Variants in CAMKK2 observed in about 807,000 individuals in gnomAD.
CAMKK2 encodes the protein calcium/calmodulin dependent protein kinase kinase 2, also known as calcium/calmodulin-dependent protein kinase kinase 2.
In CAMKK2, 30 loss-of-function variants were observed where a neutral mutation model predicts 67.2. The ratio of observed to expected loss-of-function variants is 0.45; its 90% CI spans 0.33 to 0.61. CAMKK2 has a LOEUF of 0.61. CAMKK2 is among the 20% of genes least tolerant of loss of function. The probability of loss-of-function intolerance (pLI) is 0.02; values close to 1 mark genes in which losing one functional copy is unlikely to be tolerated. For missense variants in CAMKK2, 643 were observed against 802.0 expected (o/e 0.80, Z 2.39); for synonymous variants, 322 against 326.2 (o/e 0.99, Z 0.14).
Position 121,253,348 on chromosome 12 carries a change from G to A in CAMKK2, c.1032C>T (p.Leu344=), listed in dbSNP as rs187145276. ...SNEFKGSDAL[L]SNTVGTPAFM... ...AGGCGGGCGTGCCCACGGTGTTGGA[G>A]AGGAGCGCGTCACTGCCCTTGAATT... Residue 344 remains leucine (L), a synonymous_variant, in exon 10 of 17, where the codon CTC becomes CTT. Transcript: ENST00000404169. The surrounding 1 kb of genome is among the most constrained non-coding windows in gnomAD (Gnocchi z 5.0). The A allele has an allele frequency of 1.2e-6, 2 of 1,614,232 alleles. No homozygotes were observed. Among genetic ancestry groups the A allele is most frequent in the Admixed American group, 1.7e-5 (1 of 60,024 alleles).
rs763899089 is a variant in CAMKK2 at position 121,245,212 on chromosome 12, C to T, written c.1481G>A (p.Arg494His). Residue 494 changes from arginine (R) to histidine (H), a missense_variant, in exon 15 of 17, where the codon CGC becomes CAC. Arg to His is a conservative substitution (Grantham distance 29). Around this residue, in one of 3 missense-constraint regions of CAMKK2, gnomAD observed 20 missense variants for 52.0 expected, o/e 0.38. Transcript: ENST00000404169. The surrounding 1 kb of genome is among the most constrained non-coding windows in gnomAD (Gnocchi z 5.8). ...VILVKTMIRK[R>H]SFGNPFEGSR... ...GCCCTCGAATGGGTTCCCAAAGGAG[C>T]GTTTACGTATCATGGTCTTCACCAG... The T allele has an allele frequency of 2.5e-6, 4 of 1,607,608 alleles. No homozygotes were observed. The highest frequency in any genetic ancestry group is 2.2e-5 in the East Asian group (1 of 44,724).
At position 121,282,749 on chromosome 12, in the gene CAMKK2, T is replaced by TTTTTC. The variant is rs142853866; in HGVS notation, c.-59-8169_-59-8165dup. ...ATGACAGAATATATCTCTGTTCTTT[T>TTTTTC]TTTTCTTTTCTTTTCTTTTCTTTTT... is the stretch of plus-strand genomic sequence containing the variant. On this transcript the variant is annotated intron_variant, in intron 1 of 16. Coordinates refer to ENST00000404169, the MANE Select transcript of CAMKK2 (RefSeq NM_001270485.2). 1.8e-4 allele frequency among the ~76,000 whole-genome samples: 27 copies of TTTTTC among 150,660 alleles called. 1 individual carries two copies. In the South Asian group the frequency reaches 3.1e-3, roughly 17 times the overall value.
chr12:121,245,288 G>A lies in CAMKK2; in HGVS notation c.1453-48C>T, dbSNP rs1271159808. On this transcript the variant is annotated intron_variant, in intron 14 of 16. Coordinates refer to ENST00000404169, the MANE Select transcript of CAMKK2 (RefSeq NM_001270485.2). The surrounding 1 kb of genome is among the most constrained non-coding windows in gnomAD (Gnocchi z 5.8). ...GTGGCAGGCAACTGCTTGGCCATGT[G>A]GGGGCGATTCTGGGCAACATCCTCC... The A allele has an allele frequency of 1.6e-6, 2 of 1,231,150 alleles. No homozygotes were observed. The highest frequency in any genetic ancestry group is 3.0e-5 in the African/African-American group (2 of 66,950). 76.3% of individuals were successfully genotyped at this position (1,231,150 alleles called of 1,614,324 possible).
At position 121,292,672 on chromosome 12, in the gene CAMKK2, A is replaced by G. The variant is rs1900294583; in HGVS notation, c.-60+3966T>C. The stretch of plus-strand genomic sequence containing the variant: ...AAGTGAGTGGGAAAGCAAAACATGG[A>G]AGAAAAATAGCAGTAGGCCAGACAC... On this transcript the variant is annotated intron_variant, in intron 1 of 16. Transcript: ENST00000404169. 2.6e-5 allele frequency among the ~76,000 whole-genome samples: 4 copies of G among 152,328 alleles called. No individual in the cohort carries two copies. The South Asian group carries it at 8.3e-4, about 32-fold the overall frequency.
At chr12:121,291,009 G>A (rs1899894312) in intron 1 of CAMKK2, among the ~76,000 whole-genome samples, 1 of 152,130 alleles carries the variant, frequency 6.6e-6, no homozygotes, top group Non-Finnish European at 1.5e-5. Context: ...TAGTAGAGAT[G>A]GGGTTTCACC....
chr12:121,276,512 G>A (rs941304304), intron 1 of CAMKK2, among the ~76,000 whole-genome samples: 16 of 152,154 alleles, frequency 1.1e-4, no homozygotes, highest in African/African-American at 3.9e-4. Flanking sequence ...CCCTTAGGCT[G>A]TCAATTCTTA....
At position 121,245,325 on chromosome 12, in the gene CAMKK2, C is replaced by T; in HGVS notation, c.1453-85G>A. The stretch of plus-strand genomic sequence containing the variant: ...GGGCAACATCCTCCCTCTTCCTTCT[C>T]CCCAGCCCCTGCCAGCTCCCAGGGC... On this transcript the variant is annotated intron_variant, in intron 14 of 16. Coordinates refer to ENST00000404169, the MANE Select transcript of CAMKK2 (RefSeq NM_001270485.2). This position sits in a 1 kb window ranked among gnomAD's most constrained non-coding sequence, Gnocchi z 5.8. 1.2e-6 allele frequency: 1 copy of T among 837,996 alleles called. No homozygotes were observed. Among genetic ancestry groups the T allele is most frequent in the Non-Finnish European group, 2.0e-6 (1 of 500,992 alleles). 51.9% of individuals were successfully genotyped at this position (837,996 alleles called of 1,614,324 possible). A position where few individuals can be genotyped will look rare whatever the true frequency, so the allele number is the denominator to read the frequency against.
At chr12:121,289,856 G>A (rs1242775390) in intron 1 of CAMKK2, among the ~76,000 whole-genome samples, 2 of 146,624 alleles carry the variant, frequency 1.4e-5, no homozygotes, top group Non-Finnish European at 3.0e-5. Context: ...TCATGCTACT[G>A]CACTCCAGCC....
intron 14 of CAMKK2, among the ~76,000 whole-genome samples, chr12:121,246,259 G>GC (rs970923072): frequency 6.6e-6 from 1 of 150,554 alleles, no homozygotes; most frequent in Non-Finnish European, 1.5e-5. Flanking sequence ...GGAGCGGGGG[G>GC]GGGGAGGCGG....
Position 121,240,653 on chromosome 12 carries a change from C to A in CAMKK2, c.*46G>T, listed in dbSNP as rs1888180726. On this transcript the variant is annotated 3_prime_UTR_variant, in exon 17 of 17. Coordinates refer to ENST00000404169, the MANE Select transcript of CAMKK2 (RefSeq NM_001270485.2). This position sits in a 1 kb window ranked among gnomAD's most constrained non-coding sequence, Gnocchi z 4.4. ...CTATGGAAACGCGGTGCAGCAGCCC[C>A]CCAGAGGCGACGCGGCGCGCATGCG... is the stretch of plus-strand genomic sequence containing the variant. The A allele has an allele frequency of 8.4e-6, 13 of 1,548,928 alleles. No homozygotes were observed. The highest frequency in any genetic ancestry group is 1.1e-5 in the Non-Finnish European group (13 of 1,152,858).
At chr12:121,272,680 T>C (rs1593420805) in intron 2 of CAMKK2, among the ~76,000 whole-genome samples, 1 of 138,532 alleles carries the variant, frequency 7.2e-6, no homozygotes, top group Non-Finnish European at 1.5e-5. Flanking sequence ...CTGGCCAACA[T>C]GGCATTACCC....
At chr12:121,255,470 T>G (rs1593327861) in intron 9 of CAMKK2, 80 bp downstream of exon 9, 1 of 1,199,500 alleles carries the variant, frequency 8.3e-7, no homozygotes, top group East Asian at 2.6e-5. Context: ...AGGAAGAAAA[T>G]AAGACACTTT....
At chr12:121,267,219 C>G (rs2393845) in intron 5 of CAMKK2, among the ~76,000 whole-genome samples, 2,486 of 145,996 alleles carry the variant, frequency 0.017, 78 homozygotes, top group African/African-American at 0.059. Flanking sequence ...CAGCGATTCT[C>G]CTGCCTCAGC....
intron 1 of CAMKK2, among the ~76,000 whole-genome samples, chr12:121,283,742 G>A (rs1372713613): frequency 6.6e-6 from 1 of 152,202 alleles, no homozygotes; most frequent in African/African-American, 2.4e-5. Context: ...TTGAGCCCAG[G>A]AGTTGGAGGC....
chr12:121,283,046 C>T (rs991070787), intron 1 of CAMKK2, among the ~76,000 whole-genome samples: 5 of 152,182 alleles, frequency 3.3e-5, no homozygotes, highest in African/African-American at 9.6e-5. Context: ...TGAGCCACCA[C>T]GCCCTGCCTA....
At chr12:121,279,166 T>A (rs1897302538) in intron 1 of CAMKK2, among the ~76,000 whole-genome samples, 1 of 152,256 alleles carries the variant, frequency 6.6e-6, no homozygotes, top group African/African-American at 2.4e-5. Context: ...CAAGCTGGCA[T>A]CTGGCCCGGG....
At position 121,252,783 on chromosome 12, in the gene CAMKK2, T is replaced by G; in HGVS notation, c.1108-69A>C. On this transcript the variant is annotated intron_variant, in intron 10 of 16. Transcript: ENST00000404169. ...AGCCTCCAATCCTCCAGTTTTCCTT[T>G]GGGGAACCACCTCTTGACTTTCAGC... The G allele has an allele frequency of 2.7e-6, 4 of 1,507,698 alleles. No homozygotes were observed. The South Asian group carries it at 3.4e-5, about 13-fold the overall frequency. The allele number at this position is 1,507,698 out of a possible 1,614,324, so 93.4% of individuals were successfully genotyped here.
chr12:121,273,435 C>A (rs1323313136), intron 2 of CAMKK2, among the ~76,000 whole-genome samples: 1 of 152,064 alleles, frequency 6.6e-6, no homozygotes, highest in African/African-American at 2.4e-5. Context: ...GCCCTGTGAA[C>A]CCTGGTGAGG....
intron 14 of CAMKK2, 61 bp downstream of exon 14, chr12:121,248,545 G>A: frequency 6.2e-7 from 1 of 1,606,044 alleles, no homozygotes; most frequent in Non-Finnish European, 8.5e-7. Flanking sequence ...GGCCTGTCCT[G>A]GCCAGGCCCC....
Sources: allele counts gnomAD v4.1 joint callset (sites outside exome capture counted in the v4.1 genomes callset), GRCh38; gene constraint gnomAD v4.1.1; regional missense constraint gnomAD v4.1.1; non-coding constraint Gnocchi (gnomAD v3.1); transcripts MANE v1.5; gene names NCBI Gene and HGNC (gene_info 2026-07-23, HGNC 2026-07-21).